Variants in RUNDC3B observed in about 807,000 individuals in gnomAD.
RUNDC3B encodes RUN domain-containing protein 3B.
In RUNDC3B, 33 loss-of-function variants were observed where a neutral mutation model predicts 58.4. That is an observed-to-expected ratio of 0.56 (90% CI 0.43 to 0.75). RUNDC3B has a LOEUF of 0.75. Among genes scored for constraint, RUNDC3B ranks in the 30% least tolerant of loss-of-function variants. The pLI is 0.00. For synonymous variants in RUNDC3B, 193 were observed against 195.2 expected (o/e 0.99, Z 0.10); for missense variants, 501 against 535.7 (o/e 0.94, Z 0.64).
intron 2 of RUNDC3B, among the ~76,000 whole-genome samples, chr7:87,662,665 A>G (rs1484378902): frequency 6.6e-6 from 1 of 152,120 alleles, no homozygotes; most frequent in Non-Finnish European, 1.5e-5. Flanking sequence ...GCCCTGTAGT[A>G]TACTTTGAAG....
At chr7:87,661,297 T>C (rs975003941) in intron 2 of RUNDC3B, among the ~76,000 whole-genome samples, 2 of 151,912 alleles carry the variant, frequency 1.3e-5, no homozygotes, top group Non-Finnish European at 2.9e-5. Flanking sequence ...TTTTTAAATA[T>C]GCAATAAATT....
At chr7:87,738,114 G>A (rs181404838) in intron 4 of RUNDC3B, among the ~76,000 whole-genome samples, 1 of 152,058 alleles carries the variant, frequency 6.6e-6, no homozygotes, top group Admixed American at 6.6e-5. Context: ...GAAGTACTAG[G>A]AATAATGGGT....
chr7:87,794,238 C>G (rs1469727797), intron 8 of RUNDC3B, among the ~76,000 whole-genome samples: 1 of 152,140 alleles, frequency 6.6e-6, no homozygotes, highest in African/African-American at 2.4e-5. Flanking sequence ...AGATCAAGAT[C>G]ATCCTGGCCA....
At chr7:87,707,264 A>G (rs2130727799) in intron 3 of RUNDC3B, among the ~76,000 whole-genome samples, 1 of 152,318 alleles carries the variant, frequency 6.6e-6, no homozygotes, top group East Asian at 1.9e-4. Flanking sequence ...AATTGAAACA[A>G]ACCTATGGGT....
intron 10 of RUNDC3B, among the ~76,000 whole-genome samples, 189 bp downstream of exon 10, chr7:87,816,451 A>C (rs1470769912): frequency 6.6e-6 from 1 of 152,072 alleles, no homozygotes; most frequent in Non-Finnish European, 1.5e-5. Flanking sequence ...TAACCTTCTC[A>C]AAACACTTGT....
chr7:87,631,040 T>C (rs562803287), intron 1 of RUNDC3B, among the ~76,000 whole-genome samples: 9 of 152,368 alleles, frequency 5.9e-5, no homozygotes, highest in Admixed American at 3.3e-4. Context: ...AGTTACAGTT[T>C]ACACATAGAT....
intron 4 of RUNDC3B, among the ~76,000 whole-genome samples, chr7:87,723,218 T>C (rs1831012695): frequency 6.6e-6 from 1 of 152,082 alleles, no homozygotes; most frequent in South Asian, 2.1e-4. Context: ...ACCTAATAAG[T>C]ACAGAATAAT....
chr7:87,746,607 GT>G (rs1323219027), intron 6 of RUNDC3B, among the ~76,000 whole-genome samples: 2 of 152,178 alleles, frequency 1.3e-5, no homozygotes, highest in Non-Finnish European at 1.5e-5. Flanking sequence ...TTTAAAGCTT[GT>G]TTTGTCTGAT....
At position 87,777,857 on chromosome 7, in the gene RUNDC3B, G is replaced by C; in HGVS notation, c.858G>C (p.Gln286His). The change falls in exon 8 of 11, where the codon CAG becomes CAC. Residue 286 changes from glutamine to histidine, a missense_variant. By Grantham distance (24) the Gln-to-His change is conservative. Transcript: ENST00000394654. The stretch of plus-strand genomic sequence containing the variant: ...ACCAACTATCTGAATCTGTCTCCCA[G>C]AATAAAATACTACTTCAAAGGATTG... ...RENQLSESVS[Q>H]NKILLQRIED... The C allele has an allele frequency of 6.2e-7, 1 of 1,613,552 alleles. No homozygotes were observed. Among genetic ancestry groups the C allele is most frequent in the Non-Finnish European group, 8.5e-7 (1 of 1,179,674 alleles).
At chr7:87,760,077 T>C (rs1563191117) in intron 6 of RUNDC3B, among the ~76,000 whole-genome samples, 2 of 151,586 alleles carry the variant, frequency 1.3e-5, no homozygotes, top group Non-Finnish European at 2.9e-5. Context: ...GGGTTTTTTT[T>C]TTTTCTTAAT....
At chr7:87,723,809 T>C (rs2130779930) in intron 4 of RUNDC3B, among the ~76,000 whole-genome samples, 1 of 152,174 alleles carries the variant, frequency 6.6e-6, no homozygotes, top group East Asian at 1.9e-4. Flanking sequence ...GCTGAAAATA[T>C]TTGACAAAAA....
At chr7:87,639,549 C>T (rs918432592) in intron 1 of RUNDC3B, among the ~76,000 whole-genome samples, 15 of 152,192 alleles carry the variant, frequency 9.9e-5, no homozygotes, top group African/African-American at 3.6e-4. Flanking sequence ...GTGATTTTTA[C>T]TATAAATATT....
chr7:87,800,314 C>T (rs774135264), intron 8 of RUNDC3B, among the ~76,000 whole-genome samples: 24 of 152,058 alleles, frequency 1.6e-4, no homozygotes, highest in Non-Finnish European at 2.5e-4. Flanking sequence ...TTTGAATTGG[C>T]GAAGTATTAC....
intron 2 of RUNDC3B, among the ~76,000 whole-genome samples, chr7:87,684,250 T>C (rs1827218410): frequency 6.6e-6 from 1 of 152,202 alleles, no homozygotes; most frequent in Non-Finnish European, 1.5e-5. Flanking sequence ...TGTTAAGATG[T>C]CAGTTCTTTT....
chr7:87,791,094 A>C (rs1563211984), intron 8 of RUNDC3B, among the ~76,000 whole-genome samples: 1 of 152,198 alleles, frequency 6.6e-6, no homozygotes, highest in Non-Finnish European at 1.5e-5. Flanking sequence ...AGCAAGAGAA[A>C]AGGAACAAAT....
chr7:87,632,668 A>G (rs948891004), intron 1 of RUNDC3B, among the ~76,000 whole-genome samples: 5 of 152,034 alleles, frequency 3.3e-5, no homozygotes, highest in Admixed American at 2.6e-4. Context: ...TTTAACTTGC[A>G]TTTTTATCCA....
chr7:87,764,693 T>C (rs1833885406), intron 6 of RUNDC3B, among the ~76,000 whole-genome samples: 1 of 151,934 alleles, frequency 6.6e-6, no homozygotes, highest in Non-Finnish European at 1.5e-5. Context: ...GGCTTCCAGG[T>C]CCATTCATGT....
At chr7:87,744,120 G>C (rs1832510088) in intron 6 of RUNDC3B, among the ~76,000 whole-genome samples, 1 of 152,146 alleles carries the variant, frequency 6.6e-6, no homozygotes, top group African/African-American at 2.4e-5. Context: ...TCAGTTGGCT[G>C]TAAGTATTTG....
At chr7:87,784,269 T>G (rs774624177) in intron 8 of RUNDC3B, among the ~76,000 whole-genome samples, 1 of 152,234 alleles carries the variant, frequency 6.6e-6, no homozygotes, top group African/African-American at 2.4e-5. Flanking sequence ...TGTGATCCTT[T>G]AGAGGTAAGG....
Sources: allele counts gnomAD v4.1 joint callset (sites outside exome capture counted in the v4.1 genomes callset), GRCh38; gene constraint gnomAD v4.1.1; transcripts MANE v1.5; gene names NCBI Gene and HGNC (gene_info 2026-07-23, HGNC 2026-07-21).